SAMMSON: variants seen among roughly 807,000 people sequenced by gnomAD.
The protein encoded by SAMMSON is long intergenic non-protein coding RNA 1212.
intron 3 of SAMMSON, chr3:70,025,068 G>A (rs1484814572): frequency 6.6e-6 from 1 of 152,096 alleles, no homozygotes; most frequent in Admixed American, 6.6e-5. Flanking sequence ...GTTACAAAGG[G>A]CATGTTATTT....
At chr3:70,256,597 C>T (rs577443040) in intron 6 of SAMMSON, among the ~76,000 whole-genome samples, 2 of 152,234 alleles carry the variant, frequency 1.3e-5, no homozygotes, top group African/African-American at 2.4e-5. Context: ...GCTGCTCCAT[C>T]AGTAAATAAT....
At chr3:70,045,194 A>ATATTATAATTTATATATATTG (rs2067121973) in intron 3 of SAMMSON, among the ~76,000 whole-genome samples, 3 of 138,662 alleles carry the variant, frequency 2.2e-5, no homozygotes, top group Non-Finnish European at 3.1e-5. Flanking sequence ...TAATTATAAT[A>ATATTATAATTTATATATATTG]TTAATTATAA....
chr3:70,067,525 G>A (rs2067214599), intron 3 of SAMMSON, among the ~76,000 whole-genome samples: 1 of 151,966 alleles, frequency 6.6e-6, no homozygotes, highest in South Asian at 2.1e-4. Context: ...AAAGAAAGGA[G>A]GGTTGTCTGG....
At chr3:70,367,524 G>A (rs1368489890) in intron 9 of SAMMSON, among the ~76,000 whole-genome samples, 2 of 151,414 alleles carry the variant, frequency 1.3e-5, no homozygotes, top group Non-Finnish European at 3.0e-5. Flanking sequence ...ATGTCCTCCA[G>A]GCTTATCCAT....
intron 4 of SAMMSON, among the ~76,000 whole-genome samples, chr3:70,128,728 A>T (rs1372155396): frequency 6.6e-6 from 1 of 152,210 alleles, no homozygotes; most frequent in Non-Finnish European, 1.5e-5. Context: ...GGGTGACATG[A>T]ACCTGAGAGG....
chr3:70,378,974 T>G (rs887389491), intron 9 of SAMMSON, among the ~76,000 whole-genome samples: 17 of 149,192 alleles, frequency 1.1e-4, no homozygotes, highest in Admixed American at 1.1e-3. Flanking sequence ...GGGGTATACT[T>G]ACACTTTTAT....
chr3:70,001,551 G>A (rs796995274), intron 1 of SAMMSON, among the ~76,000 whole-genome samples: 1 of 151,262 alleles, frequency 6.6e-6, no homozygotes, highest in African/African-American at 2.4e-5. Context: ...CTATGTGTAC[G>A]CTTTTTGGTT....
rs1413672281 is a variant in SAMMSON at position 70,075,713 on chromosome 3, A to G, written n.507+4148A>G. On this transcript the variant is annotated intron_variant and non_coding_transcript_variant, in intron 4 of 9. Transcript: ENST00000642114. ...TTGTTGTAGTGATAAAAGATTTCCA[A>G]ATGTTATTCTGAAAAGCAAGGAAAA... is the stretch of plus-strand genomic sequence containing the variant. 2.0e-5 allele frequency among the ~76,000 whole-genome samples: 3 copies of G among 152,112 alleles called. No individual in the cohort carries two copies. The East Asian group carries it at 5.8e-4, about 29-fold the overall frequency.
intron 9 of SAMMSON, among the ~76,000 whole-genome samples, chr3:70,379,786 G>T (rs1275517254): frequency 1.3e-5 from 2 of 151,716 alleles, no homozygotes; most frequent in Non-Finnish European, 2.9e-5. Flanking sequence ...AAAAAGCAAA[G>T]TGCAAAAAAA....
At chr3:70,019,052 T>C (rs1418347393) in intron 3 of SAMMSON, among the ~76,000 whole-genome samples, 1 of 152,226 alleles carries the variant, frequency 6.6e-6, no homozygotes, top group African/African-American at 2.4e-5. Flanking sequence ...GAAGAATGTA[T>C]ATTCTGTTGA....
At chr3:70,000,754 C>T (rs551213818) in intron 1 of SAMMSON, among the ~76,000 whole-genome samples, 1 of 152,318 alleles carries the variant, frequency 6.6e-6, no homozygotes, top group Non-Finnish European at 1.5e-5. Flanking sequence ...TCTCAGCCCA[C>T]AAAATGCTTC....
At chr3:70,323,269 A>G (rs1467617633) in intron 7 of SAMMSON, among the ~76,000 whole-genome samples, 1 of 152,114 alleles carries the variant, frequency 6.6e-6, no homozygotes, top group Non-Finnish European at 1.5e-5. Context: ...TATGAAAGGT[A>G]AAATGAATGT....
At chr3:70,434,031 T>C (rs530860166) in intron 2 of SAMMSON, among the ~76,000 whole-genome samples, 8 of 152,222 alleles carry the variant, frequency 5.3e-5, no homozygotes, top group Non-Finnish European at 1.0e-4. Flanking sequence ...TACCACACTT[T>C]CTTGATTGAC....
chr3:70,348,127 A>G (rs1702766057), intron 7 of SAMMSON, among the ~76,000 whole-genome samples: 1 of 152,196 alleles, frequency 6.6e-6, no homozygotes, highest in African/African-American at 2.4e-5. Flanking sequence ...GGGACTGAGT[A>G]TGCTATAAAT....
chr3:70,432,200 A>T (rs561134851), intron 2 of SAMMSON, among the ~76,000 whole-genome samples: 1 of 151,330 alleles, frequency 6.6e-6, no homozygotes, highest in East Asian at 1.9e-4. Context: ...ATTCTCAACA[A>T]TTTTTTTTTA....
chr3:70,374,212 C>A (rs900902733), intron 9 of SAMMSON, among the ~76,000 whole-genome samples: 19 of 152,116 alleles, frequency 1.2e-4, no homozygotes, highest in African/African-American at 4.1e-4. Flanking sequence ...ACGTGCCTGG[C>A]CAATGATGGT....
chr3:70,066,768 T>C (rs2067211574), intron 3 of SAMMSON, among the ~76,000 whole-genome samples: 2 of 152,214 alleles, frequency 1.3e-5, no homozygotes, highest in African/African-American at 2.4e-5. Context: ...TGCTCCAACA[T>C]TGAAGAAACA....
intron 3 of SAMMSON, among the ~76,000 whole-genome samples, chr3:70,036,949 A>T (rs1458459445): frequency 6.6e-6 from 1 of 152,152 alleles, no homozygotes; most frequent in Non-Finnish European, 1.5e-5. Context: ...TTCTTTATTT[A>T]GTGTTGGAGG....
At chr3:70,305,081 A>G (rs1702386891) in intron 7 of SAMMSON, among the ~76,000 whole-genome samples, 1 of 152,136 alleles carries the variant, frequency 6.6e-6, no homozygotes. Context: ...TTGACCACTG[A>G]TTCTAAAGGA....
Sources: gnomAD v4.1 joint callset for allele counts (sites outside exome capture counted in the v4.1 genomes callset) on GRCh38, gnomAD v4.1.1 for gene constraint, MANE v1.5 for transcripts, NCBI Gene and HGNC (gene_info 2026-07-23, HGNC 2026-07-21) for gene names.